The following CNBD1 variants were observed in gnomAD, a reference collection of about 807,000 sequenced individuals.
The protein encoded by CNBD1 is cyclic nucleotide-binding domain-containing protein 1.
Under a neutral mutation model 54.4 loss-of-function variants are expected in CNBD1, and 71 were observed. That is an observed-to-expected ratio of 1.30 (90% CI 1.08 to 1.59). CNBD1 has a LOEUF of 1.59. Ranked by LOEUF, CNBD1 falls within the 40% of genes most tolerant of loss-of-function variation. CNBD1 has a pLI of 0.00. For missense variants in CNBD1, 659 were observed against 518.0 expected (o/e 1.27, Z -2.64); for synonymous variants, 182 against 170.7 (o/e 1.07, Z -0.51).
chr8:86,922,513 C>T (rs1051169275), intron 3 of CNBD1, among the ~76,000 whole-genome samples: 5 of 152,124 alleles, frequency 3.3e-5, no homozygotes, highest in African/African-American at 1.2e-4. Flanking sequence ...AAATTAACCC[C>T]TCTACCATGA....
chr8:86,986,237 G>A (rs1315970215), intron 4 of CNBD1, among the ~76,000 whole-genome samples: 1 of 152,080 alleles, frequency 6.6e-6, no homozygotes, highest in African/African-American at 2.4e-5. Context: ...CCTCACTGTG[G>A]TTTTGATTTG....
chr8:86,941,346 A>G (rs1478000819), intron 4 of CNBD1, among the ~76,000 whole-genome samples: 2 of 152,226 alleles, frequency 1.3e-5, no homozygotes, highest in African/African-American at 4.8e-5. Context: ...AAATCGCTAA[A>G]ACACTGAAAG....
At chr8:87,117,321 C>G (rs1458515797) in intron 4 of CNBD1, among the ~76,000 whole-genome samples, 2 of 151,118 alleles carry the variant, frequency 1.3e-5, no homozygotes, top group Non-Finnish European at 1.5e-5. Context: ...ATTGCTTAAA[C>G]CCAGGAGGCA....
intron 4 of CNBD1, among the ~76,000 whole-genome samples, chr8:86,972,114 G>A (rs1322487134): frequency 6.6e-6 from 1 of 151,990 alleles, no homozygotes; most frequent in East Asian, 1.9e-4. Context: ...ACCATGCCTG[G>A]CTAATTTTTG....
intron 4 of CNBD1, among the ~76,000 whole-genome samples, chr8:87,117,130 G>C (rs1811788713): frequency 6.6e-6 from 1 of 152,052 alleles, no homozygotes; most frequent in African/African-American, 2.4e-5. Context: ...CAGGTGTGGT[G>C]GCTCACGCCT....
At chr8:87,282,639 A>C (rs2130868198) in intron 6 of CNBD1, among the ~76,000 whole-genome samples, 1 of 152,064 alleles carries the variant, frequency 6.6e-6, no homozygotes, top group Non-Finnish European at 1.5e-5. Context: ...TGGAAGTTTT[A>C]TAATTTCCTA....
At position 86,948,080 on chromosome 8, in the gene CNBD1, A is replaced by G. The variant is rs544398405; in HGVS notation, c.431+8326A>G. ...TCCAGTTCCATCCATGTTGTTGCAAATAACAGGATCTCATTATTACGTATG... is the reference window on the plus strand; with the variant it reads ...TCCAGTTCCATCCATGTTGTTGCAAGTAACAGGATCTCATTATTACGTATG... On this transcript the variant is annotated intron_variant, in intron 4 of 10. Transcript: ENST00000518476. 1.5e-4 allele frequency among the ~76,000 whole-genome samples: 23 copies of G among 152,238 alleles called. 1 individual carries two copies. Among genetic ancestry groups the G allele is most frequent in the Middle Eastern group, 3.4e-3 (1 of 294 alleles).
intron 10 of CNBD1, among the ~76,000 whole-genome samples, chr8:87,358,475 T>C (rs1165822253): frequency 6.6e-6 from 1 of 152,098 alleles, no homozygotes; most frequent in Non-Finnish European, 1.5e-5. Context: ...TCTTTTCCTA[T>C]ATAAATGATG....
At chr8:87,010,367 A>C (rs1809191145) in intron 4 of CNBD1, among the ~76,000 whole-genome samples, 1 of 152,072 alleles carries the variant, frequency 6.6e-6, no homozygotes, top group South Asian at 2.1e-4. Context: ...TTTGTTTTAT[A>C]TCTAATATGT....
intron 4 of CNBD1, among the ~76,000 whole-genome samples, chr8:86,971,912 A>T (rs1424244485): frequency 1.3e-5 from 2 of 152,066 alleles, no homozygotes; most frequent in East Asian, 3.9e-4. Flanking sequence ...TATCTCTCAC[A>T]TAGATATATT....
chr8:87,306,908 G>T (rs539393627), intron 8 of CNBD1, among the ~76,000 whole-genome samples: 1 of 151,848 alleles, frequency 6.6e-6, no homozygotes, highest in South Asian at 2.1e-4. Flanking sequence ...ATAATTTACG[G>T]AAAATAAAAT....
intron 4 of CNBD1, among the ~76,000 whole-genome samples, chr8:87,003,514 A>T (rs1019668472): frequency 6.6e-6 from 1 of 152,220 alleles, no homozygotes; most frequent in Non-Finnish European, 1.5e-5. Context: ...AAATATTGTG[A>T]ATTTTGTCAG....
chr8:86,894,519 T>G (rs542644180), intron 2 of CNBD1, among the ~76,000 whole-genome samples: 2 of 152,340 alleles, frequency 1.3e-5, no homozygotes, highest in South Asian at 4.1e-4. Flanking sequence ...TGTTGTTATT[T>G]ACTATTAACT....
chr8:86,916,675 T>A (rs1013189157), intron 3 of CNBD1, among the ~76,000 whole-genome samples: 8 of 152,076 alleles, frequency 5.3e-5, no homozygotes, highest in Non-Finnish European at 8.8e-5. Context: ...CCTGCCTTTC[T>A]CTGGTGCTGG....
At chr8:87,092,641 C>T (rs1194122894) in intron 4 of CNBD1, among the ~76,000 whole-genome samples, 7 of 151,438 alleles carry the variant, frequency 4.6e-5, no homozygotes, top group African/African-American at 1.7e-4. Context: ...TCTGTTGGCT[C>T]CTCTTCCTGT....
chr8:87,157,206 G>T (rs995724308), intron 4 of CNBD1, among the ~76,000 whole-genome samples: 1 of 152,098 alleles, frequency 6.6e-6, no homozygotes, highest in Non-Finnish European at 1.5e-5. Context: ...TAGATTTAAC[G>T]CTGATTAACA....
At chr8:87,310,738 A>G (rs1809246953) in intron 8 of CNBD1, among the ~76,000 whole-genome samples, 1 of 152,164 alleles carries the variant, frequency 6.6e-6, no homozygotes, top group African/African-American at 2.4e-5. Flanking sequence ...AAACTGTACT[A>G]TAAGGCTACA....
chr8:87,274,402 G>T (rs112060183), intron 6 of CNBD1, among the ~76,000 whole-genome samples: 23,026 of 120,402 alleles, frequency 0.19, 2,635 homozygotes, highest in African/African-American at 0.26. Flanking sequence ...GTAAAAGTGT[G>T]CCTATTTCTC....
At chr8:87,337,486 G>A (rs1026552761) in intron 8 of CNBD1, among the ~76,000 whole-genome samples, 6 of 152,196 alleles carry the variant, frequency 3.9e-5, no homozygotes, top group African/African-American at 1.4e-4. Context: ...TTAGACTGCA[G>A]GCAGCTTCAG....
Sources: allele counts gnomAD v4.1 joint callset (sites outside exome capture counted in the v4.1 genomes callset), GRCh38; gene constraint gnomAD v4.1.1; transcripts MANE v1.5; gene names NCBI Gene and HGNC (gene_info 2026-07-23, HGNC 2026-07-21).